Variants in KIF18A observed in about 807,000 individuals in gnomAD.
KIF18A encodes kinesin family member 18A.
A neutral mutation model predicts 103.3 loss-of-function variants in KIF18A; 67 were observed. That is an observed-to-expected ratio of 0.65 (90% CI 0.53 to 0.79). KIF18A has a LOEUF of 0.79. Among genes scored for constraint, KIF18A ranks in the 30% least tolerant of loss-of-function variants. The pLI, the probability that KIF18A is intolerant of heterozygous loss-of-function variation, is 0.00. For synonymous variants in KIF18A, 367 were observed against 355.5 expected, an observed-to-expected ratio of 1.03 and a Z score of -0.36; for missense variants, 1,032 against 1,062.5, an observed-to-expected ratio of 0.97 and a Z score of 0.40.
chr11:28,027,498 T>G (rs1850336195), intron 15 of KIF18A, among the ~76,000 whole-genome samples: 1 of 151,862 alleles, frequency 6.6e-6, no homozygotes, highest in Admixed American at 6.6e-5. Flanking sequence ...AAATATTACT[T>G]TTCCCTATTC....
At chr11:28,073,087 C>A (rs1590695919) in intron 10 of KIF18A, among the ~76,000 whole-genome samples, 1 of 152,112 alleles carries the variant, frequency 6.6e-6, no homozygotes, top group African/African-American at 2.4e-5. Context: ...CCTTCCCAAT[C>A]TATTGTTAAT....
chr11:28,090,549 T>A (rs1428672093), intron 5 of KIF18A, 68 bp downstream of exon 5: 13 of 883,620 alleles, frequency 1.5e-5, no homozygotes, highest in Non-Finnish European at 2.4e-5. Flanking sequence ...ATGAAAATGA[T>A]GATTCATGAA....
chr11:28,048,783 A>C (rs1850672542), intron 13 of KIF18A, among the ~76,000 whole-genome samples: 1 of 152,122 alleles, frequency 6.6e-6, no homozygotes, highest in Non-Finnish European at 1.5e-5. Flanking sequence ...AGGAAGATTT[A>C]ATAAAGAAGG....
Position 28,041,634 on chromosome 11 carries a change from T to G in KIF18A, c.1949-4970A>C, listed in dbSNP as rs962031406. 1.3e-4 allele frequency among the ~76,000 whole-genome samples: 19 copies of G among 151,704 alleles called. 1 individual carries two copies. Among genetic ancestry groups the G allele is most frequent in the Non-Finnish European group, 1.5e-5 (1 of 67,820 alleles). ...GGATATAATGTGATCTGATTGATGT[T>G]TAGGAAAAAGAGTGATTTGCTTGCT... On this transcript the variant is annotated intron_variant, in intron 13 of 16. Transcript: ENST00000263181.
At chr11:28,062,610 A>G in intron 11 of KIF18A, 94 bp from the exon 12 acceptor site, 1 of 939,244 alleles carries the variant, frequency 1.1e-6, no homozygotes, top group East Asian at 3.2e-5. Flanking sequence ...AATAGTTTTA[A>G]TTCTTTTTAG....
At chr11:28,080,131 G>A (rs1018659987) in intron 9 of KIF18A, among the ~76,000 whole-genome samples, 2 of 152,016 alleles carry the variant, frequency 1.3e-5, no homozygotes, top group African/African-American at 4.8e-5. Context: ...AACAATATGA[G>A]CGCCACTAAA....
At chr11:28,094,477 T>TAAA (rs201296054) in intron 3 of KIF18A, among the ~76,000 whole-genome samples, 166 bp downstream of exon 3, 4 of 137,454 alleles carry the variant, frequency 2.9e-5, no homozygotes, top group African/African-American at 7.9e-5. Flanking sequence ...TTTGCCAAAG[T>TAAA]AAAAAAAAAA....
rs772796162 is a variant in KIF18A, at chr11:28,036,438, T to C, written c.2175A>G (p.Pro725=). 3.1e-6 allele frequency: 5 copies of C among 1,610,622 alleles called. No homozygotes were observed. The highest frequency in any genetic ancestry group is 2.2e-5 in the East Asian group (1 of 44,748). The part of the protein sequence containing the change: ...QNPSTVTLMK[P]SSFTTSFQAI... The stretch of plus-strand genomic sequence containing the variant: ...CCTGAAAACTTGTAGTAAATGATGA[T>C]GGTTTCATTAAGGTTACTGTAGACG... Residue 725 remains proline (P), a synonymous_variant, in exon 14 of 17, where the codon CCA becomes CCG. Transcript: ENST00000263181.
At chr11:28,058,790 G>T in intron 13 of KIF18A, 136 bp downstream of exon 13, 2 of 602,958 alleles carry the variant, frequency 3.3e-6, no homozygotes, top group Non-Finnish European at 5.7e-6. Context: ...TAATTGAAAT[G>T]ACTATAAAGC....
intron 12 of KIF18A, 55 bp from the exon 13 acceptor site, chr11:28,059,216 T>C: frequency 8.0e-7 from 1 of 1,256,446 alleles, no homozygotes. Flanking sequence ...TTAAACACAT[T>C]ATTTTAGTTC....
At chr11:28,102,952 G>T (rs1851464636) in intron 1 of KIF18A, among the ~76,000 whole-genome samples, 1 of 152,134 alleles carries the variant, frequency 6.6e-6, no homozygotes, top group South Asian at 2.1e-4. Flanking sequence ...TTAATATGAA[G>T]CAGCAAAAGA....
intron 13 of KIF18A, among the ~76,000 whole-genome samples, chr11:28,038,943 C>A (rs1248783420): frequency 6.6e-6 from 1 of 151,748 alleles, no homozygotes; most frequent in East Asian, 1.9e-4. Context: ...CTATTAATAG[C>A]TGGCAGATTA....
At chr11:28,023,117 T>C (rs888448923) in intron 16 of KIF18A, among the ~76,000 whole-genome samples, 1 of 152,174 alleles carries the variant, frequency 6.6e-6, no homozygotes, top group African/African-American at 2.4e-5. Context: ...GTCTAGATGT[T>C]GGGGCCTGAA....
Position 28,069,345 on chromosome 11 carries a change from A to T in KIF18A, c.1504T>A (p.Leu502Met). ...TTAGTATTCTCATCAAATTGCTTCA[A>T]TTCCTCCTCCCTCCTTTTCTCCAGG... ...SYLEKRREEE[L>M]KQFDENTNWL... Residue 502 changes from leucine (L) to methionine (M), a missense_variant, in exon 11 of 17, where the codon TTG becomes ATG. By Grantham distance (15) the Leu-to-Met change is conservative (BLOSUM62 2). Transcript: ENST00000263181. 1.9e-6 allele frequency: 3 copies of T among 1,613,684 alleles called. No homozygotes were observed. Among genetic ancestry groups the T allele is most frequent in the South Asian group, 1.1e-5 (1 of 91,076 alleles).
intron 6 of KIF18A, 49 bp from the exon 7 acceptor site, chr11:28,084,857 A>T (rs745655973): frequency 2.1e-6 from 3 of 1,453,290 alleles, no homozygotes; most frequent in Non-Finnish European, 2.9e-6. Flanking sequence ...ATTTAAATGC[A>T]AACCTGCTAC....
chr11:28,062,302 A>G (rs927158235), intron 12 of KIF18A, 93 bp downstream of exon 12: 1 of 1,119,166 alleles, frequency 8.9e-7, no homozygotes, highest in African/African-American at 1.6e-5. Context: ...ATCCTGTAAC[A>G]CATAAAACTC....
At chr11:28,073,919 G>A (rs892298207) in intron 10 of KIF18A, among the ~76,000 whole-genome samples, 33 of 152,220 alleles carry the variant, frequency 2.2e-4, no homozygotes, top group Middle Eastern at 6.8e-3. Context: ...TGCATTTCTT[G>A]CCTTTTGTCA....
In KIF18A at chr11:28,094,620, A is replaced by T. The variant is rs531495459; in HGVS notation, c.483+23T>A. 6 of 1,551,264 alleles carry T rather than the reference A, an allele frequency of 3.9e-6. No homozygotes were observed. The East Asian group carries it at 9.0e-5, about 23-fold the overall frequency. On this transcript the variant is annotated intron_variant, in intron 3 of 16. Transcript: ENST00000263181. Reference sequence around the variant, plus strand: ...TGTCAATGATTTCCCAAAACTATTGATTAATCTAAATTCCCAACTTACCTC... The same window carrying T: ...TGTCAATGATTTCCCAAAACTATTGTTTAATCTAAATTCCCAACTTACCTC...
chr11:28,092,719 T>G (rs1304588845), intron 3 of KIF18A, among the ~76,000 whole-genome samples: 3 of 152,238 alleles, frequency 2.0e-5, no homozygotes. Context: ...TTTCCTTCTG[T>G]GTTCTAATAA....
Sources: gnomAD v4.1 joint callset for allele counts (sites outside exome capture counted in the v4.1 genomes callset) on GRCh38, gnomAD v4.1.1 for gene constraint, MANE v1.5 for transcripts, NCBI Gene and HGNC (gene_info 2026-07-23, HGNC 2026-07-21) for gene names.